KRI1: variants seen among roughly 807,000 people sequenced by gnomAD.
KRI1 encodes the protein KRI1 homolog, also known as protein KRI1 homolog.
KRI1 carries 83 observed loss-of-function variants against 97.0 expected under a neutral mutation model. The ratio of observed to expected loss-of-function variants is 0.86; its 90% CI spans 0.72 to 1.03. The LOEUF (loss-of-function observed/expected upper bound fraction) is 1.03, where lower values mean the gene tolerates loss of function less well. KRI1 is among the 50% of genes least tolerant of loss of function. The pLI is 0.00. For missense variants in KRI1, 916 were observed against 928.4 expected, an observed-to-expected ratio of 0.99 and a Z score of 0.17; for synonymous variants, 371 against 363.5, an observed-to-expected ratio of 1.02 and a Z score of -0.23.
chr19:10,561,147 C>A (rs1249701465), intron 7 of KRI1, 22 bp downstream of exon 7: 1 of 1,612,794 alleles, frequency 6.2e-7, no homozygotes, highest in African/African-American at 1.3e-5. Context: ...CCCCAGCAGT[C>A]CAGTCAGGCC....
chr19:10,553,157 T>C lies in KRI1; in HGVS notation c.*794A>G. On this transcript the variant is annotated 3_prime_UTR_variant, in exon 19 of 19. Transcript: ENST00000312962. Reference sequence around the variant, plus strand: ...GGATCTTGAGCTCTGGCAGTGATGATGGTACTTCCTGTTGTCAGCCCCTCA... The same window carrying C: ...GGATCTTGAGCTCTGGCAGTGATGACGGTACTTCCTGTTGTCAGCCCCTCA... 1 of 1,419,414 alleles carries C rather than the reference T, an allele frequency of 7.0e-7. No homozygotes were observed. The highest frequency in any genetic ancestry group is 9.3e-7 in the Non-Finnish European group (1 of 1,069,538). The allele number at this position is 1,419,414 out of a possible 1,614,324, so 87.9% of individuals were successfully genotyped here.
At chr19:10,558,556 T>C (rs1916592568) in intron 12 of KRI1, among the ~76,000 whole-genome samples, 1 of 152,130 alleles carries the variant, frequency 6.6e-6, no homozygotes, top group South Asian at 2.1e-4. Context: ...TCTTTTTTTT[T>C]TTTGAAACAG....
chr19:10,562,879 C>G, intron 3 of KRI1, 42 bp from the exon 4 acceptor site: 3 of 1,269,380 alleles, frequency 2.4e-6, no homozygotes, highest in Non-Finnish European at 3.5e-6. Flanking sequence ...CCACAACCCC[C>G]TTCTTTGCCG....
At chr19:10,559,275 G>A (rs1916614641) in intron 12 of KRI1, 84 bp downstream of exon 12, 3 of 1,478,942 alleles carry the variant, frequency 2.0e-6, no homozygotes, top group East Asian at 2.3e-5. Flanking sequence ...AAAGTGCTGG[G>A]ATTACAGGCG....
intron 12 of KRI1, among the ~76,000 whole-genome samples, chr19:10,559,116 T>A (rs1028300362): frequency 1.3e-5 from 2 of 152,028 alleles, no homozygotes; most frequent in Non-Finnish European, 2.9e-5. Flanking sequence ...GCAATTCTCC[T>A]GCCTCAGCCT....
intron 18 of KRI1, 97 bp from the exon 19 acceptor site, chr19:10,554,378 A>ATAG: frequency 9.2e-7 from 1 of 1,083,528 alleles, no homozygotes; most frequent in South Asian, 1.4e-5. Context: ...AAGGAGGGGC[A>ATAG]TAGTGAAGCA....
chr19:10,565,520 G>A (rs1476040446), intron 2 of KRI1, 197 bp downstream of exon 2: 9 of 657,976 alleles, frequency 1.4e-5, no homozygotes, highest in Non-Finnish European at 1.7e-5. Flanking sequence ...CGTGGCAGGG[G>A]AGAGAAAATA....
chr19:10,559,597 C>G lies in KRI1; in HGVS notation c.1023+16G>C, dbSNP rs766592228. ...CAGGGCTGGGGGGTCCTCCCCAGCT[C>G]ACCCCCCACACTCACCCTCTTCTTT... On this transcript the variant is annotated intron_variant, in intron 11 of 18. Transcript: ENST00000312962. The G allele has an allele frequency of 1.9e-6, 3 of 1,613,640 alleles. No homozygotes were observed. The highest frequency in any genetic ancestry group is 2.5e-6 in the Non-Finnish European group (3 of 1,179,790).
At chr19:10,561,978 C>T (rs1348529229) in intron 4 of KRI1, 133 bp from the exon 5 acceptor site, 3 of 720,958 alleles carry the variant, frequency 4.2e-6, no homozygotes, top group Non-Finnish European at 7.2e-6. Context: ...GAGACTCCTG[C>T]TCTCAGGGCT....
intron 6 of KRI1, 132 bp from the exon 7 acceptor site, chr19:10,561,397 T>G (rs1916692761): frequency 1.1e-6 from 1 of 878,926 alleles, no homozygotes; most frequent in Non-Finnish European, 1.8e-6. Context: ...TGGGCTCAAG[T>G]GATCCTCCCT....
Position 10,554,125 on chromosome 19 carries a change from G to A in KRI1, c.1938C>T (p.Pro646=). 1.9e-6 allele frequency: 3 copies of A among 1,614,182 alleles called. No homozygotes were observed. The highest frequency in any genetic ancestry group is 2.5e-6 in the Non-Finnish European group (3 of 1,180,038). Residue 646 remains proline (P), a synonymous_variant, in exon 19 of 19, where the codon CCC becomes CCT. Transcript: ENST00000312962. ...CCTTCTTGGCCCTCCTCCGCTTCTG[G>A]GGGGCTGGCTTCTTGTGGGGTGATA... The part of the protein sequence containing the change: ...APVSPHKKPA[P]QKRRRAKKAR...
chr19:10,554,346 T>C (rs1008601463), intron 18 of KRI1, 65 bp from the exon 19 acceptor site: 26 of 1,375,760 alleles, frequency 1.9e-5, no homozygotes, highest in Non-Finnish European at 2.6e-5. Context: ...TGAGCACGCA[T>C]GCCCCATTTT....
chr19:10,563,438 C>T (rs1489477718), intron 3 of KRI1, among the ~76,000 whole-genome samples: 1 of 152,092 alleles, frequency 6.6e-6, no homozygotes, highest in Non-Finnish European at 1.5e-5. Context: ...CTCCGCCTCC[C>T]AGGTTCAAGC....
In KRI1 at chr19:10,565,973, C is replaced by T. The variant is rs764856649; in HGVS notation, c.27G>A (p.Gln9=). The T allele has an allele frequency of 1.3e-6, 2 of 1,525,766 alleles. No individual in the cohort carries two copies. Among genetic ancestry groups the T allele is most frequent in the South Asian group, 2.4e-5 (2 of 82,472 alleles). The allele number at this position is 1,525,766 out of a possible 1,614,324, so 94.5% of individuals were successfully genotyped here. A position where few individuals can be genotyped will look rare whatever the true frequency, so the allele number is the denominator to read the frequency against. The part of the protein sequence containing the change: MPEPRGSS[Q]LRVNAAFAAR... ...CGGCAAACGCCGCGTTCACCCGCAGCTGCGACGACCCGCGCGGTTCCGGCA... is the reference window on the plus strand; with the variant it reads ...CGGCAAACGCCGCGTTCACCCGCAGTTGCGACGACCCGCGCGGTTCCGGCA... Residue 9 remains glutamine (Q), a synonymous_variant, in exon 1 of 19, where the codon CAG becomes CAA. Coordinates refer to ENST00000312962, the MANE Select transcript of KRI1 (RefSeq NM_023008.5).
In KRI1 at chr19:10,560,377, G is replaced by C. The variant is rs768399037; in HGVS notation, c.735C>G (p.Leu245=). ...EGERFLRDYI[L]NKRYEEEEEE... ...CTTCCTCCTCCTCATAGCGTTTGTT[G>C]AGGATGTAATCCCGCAGGAACCGCT... The change falls in exon 9 of 19, where the codon CTC becomes CTG. Residue 245 remains leucine (L), a synonymous_variant. Transcript: ENST00000312962. 6.2e-7 allele frequency: 1 copy of C among 1,613,760 alleles called. No homozygotes were observed. Among genetic ancestry groups the C allele is most frequent in the Non-Finnish European group, 8.5e-7 (1 of 1,179,950 alleles).
At chr19:10,561,496 A>G (rs1351041993) in intron 6 of KRI1, among the ~76,000 whole-genome samples, 171 bp downstream of exon 6, 1 of 152,016 alleles carries the variant, frequency 6.6e-6, no homozygotes, top group African/African-American at 2.4e-5. Flanking sequence ...CTAAGCCCTG[A>G]GCTCTCCTCT....
intron 16 of KRI1, 64 bp from the exon 17 acceptor site, chr19:10,555,413 TAA>T: frequency 1.3e-6 from 2 of 1,558,124 alleles, no homozygotes; most frequent in South Asian, 1.1e-5. Context: ...TCCCTGAGCC[TAA>T]GTCATGTCAT....
chr19:10,565,661 G>C (rs1489791490), intron 2 of KRI1, 56 bp downstream of exon 2: 1 of 1,516,548 alleles, frequency 6.6e-7, no homozygotes, highest in Non-Finnish European at 8.8e-7. Context: ...CGGGGTCGGG[G>C]TGCAGAGGGG....
chr19:10,565,472 C>G (rs1916836429), intron 2 of KRI1: 4 of 556,030 alleles, frequency 7.2e-6, no homozygotes, highest in Non-Finnish European at 1.2e-5. Context: ...TCTTGGGGGA[C>G]AGAGTCGCCC....
Sources: gnomAD v4.1 joint callset for allele counts (sites outside exome capture counted in the v4.1 genomes callset) on GRCh38, gnomAD v4.1.1 for gene constraint, MANE v1.5 for transcripts, NCBI Gene and HGNC (gene_info 2026-07-23, HGNC 2026-07-21) for gene names.